Variants in HNRNPR observed in about 807,000 individuals in gnomAD.
HNRNPR encodes heterogeneous nuclear ribonucleoprotein R.
In HNRNPR, 4 loss-of-function variants were observed where a neutral mutation model predicts 70.3. That is an observed-to-expected ratio of 0.06 (90% CI 0.03 to 0.13). HNRNPR has a LOEUF of 0.13. HNRNPR is among the 10% of genes least tolerant of loss of function. The probability of loss-of-function intolerance (pLI) is 1.00; values close to 1 mark genes in which losing one functional copy is unlikely to be tolerated. For synonymous variants in HNRNPR, 241 were observed against 267.6 expected, an observed-to-expected ratio of 0.90 and a Z score of 0.97; for missense variants, 423 against 788.5, an observed-to-expected ratio of 0.54 and a Z score of 5.55.
At chr1:23,338,249 A>T in intron 3 of HNRNPR, 1 of 345,432 alleles carries the variant, frequency 2.9e-6, no homozygotes, top group Non-Finnish European at 5.2e-6. Flanking sequence ...CAACCATCAA[A>T]ACTTGGCTTT....
intron 4 of HNRNPR, among the ~76,000 whole-genome samples, chr1:23,335,081 C>G (rs1646413637): frequency 6.6e-6 from 1 of 152,122 alleles, no homozygotes; most frequent in Non-Finnish European, 1.5e-5. Flanking sequence ...CCACACCCGG[C>G]TAATTTTTTG....
chr1:23,315,348 T>C (rs534854618), intron 8 of HNRNPR, among the ~76,000 whole-genome samples: 2 of 148,432 alleles, frequency 1.3e-5, no homozygotes, highest in Non-Finnish European at 3.0e-5. Flanking sequence ...AGTTGTAGGA[T>C]AGGACAACTT....
chr1:23,340,447 ATCC>A (rs935005058), intron 2 of HNRNPR, among the ~76,000 whole-genome samples: 7 of 152,368 alleles, frequency 4.6e-5, no homozygotes, highest in African/African-American at 1.7e-4. Context: ...CGATACAGCT[ATCC>A]TCTTGTTATG....
chr1:23,321,566 G>A lies in HNRNPR; in HGVS notation c.773C>T (p.Thr258Ile). 1 of 1,612,980 alleles carries A rather than the reference G, an allele frequency of 6.2e-7. No individual in the cohort carries two copies. ...GAATTCTTCCAAAATGTTTTCTTTA[G>A]TCTTATTCTTCGGAATGGATCCAAC... Reference protein sequence around the residue: ...LFVGSIPKNKTKENILEEFSK... With the variant: ...LFVGSIPKNKIKENILEEFSK... The change falls in exon 7 of 11, where the codon ACT becomes ATT. Residue 258 changes from threonine to isoleucine, a missense_variant. Coordinates refer to ENST00000302271, the MANE Select transcript of HNRNPR (RefSeq NM_005826.5).
chr1:23,326,194 G>A lies in HNRNPR; in HGVS notation c.499-2462C>T, dbSNP rs9724721. ...CCGGCCTGTTTTGAACACGCCATCC[G>A]TACGTTTTTTTTTTTACTCACACAG... is the stretch of plus-strand genomic sequence containing the variant. On this transcript the variant is annotated intron_variant, in intron 5 of 10. Coordinates refer to ENST00000302271, the MANE Select transcript of HNRNPR (RefSeq NM_005826.5). 4.2e-3 allele frequency among the ~76,000 whole-genome samples: 624 copies of A among 147,408 alleles called. 6 individuals are homozygous for A. The highest frequency in any genetic ancestry group is 0.014 in the African/African-American group (568 of 39,620).
chr1:23,313,759 T>C (rs1569902405), intron 8 of HNRNPR, 57 bp from the exon 9 acceptor site: 6 of 1,547,556 alleles, frequency 3.9e-6, no homozygotes, highest in Non-Finnish European at 5.2e-6. Flanking sequence ...ACCTGAAAAG[T>C]GTTTCTTCCT....
chr1:23,332,787 T>C (rs953558424), intron 5 of HNRNPR, among the ~76,000 whole-genome samples: 38 of 150,094 alleles, frequency 2.5e-4, no homozygotes, highest in Middle Eastern at 3.6e-3. Flanking sequence ...ATGCCTGTAA[T>C]CCCAGCACTT....
rs111447921 is a variant in HNRNPR, at chr1:23,334,268, G to A, written c.385-637C>T. On this transcript the variant is annotated intron_variant, in intron 4 of 10. Coordinates refer to ENST00000302271, the MANE Select transcript of HNRNPR (RefSeq NM_005826.5). ...TTTTTTTTTTTTGAGACGGAGTCTC[G>A]CTGTGTCACCCAGGCTGGAGTGCAG... Among the ~76,000 whole-genome samples, 1,222 of 127,924 alleles carry A rather than the reference G, an allele frequency of 9.6e-3. 18 individuals are homozygous for A. Among genetic ancestry groups the A allele is most frequent in the African/African-American group, 0.034 (1,167 of 34,122 alleles). The allele number at this position is 127,924 out of a possible 152,430, so 83.9% of individuals were successfully genotyped here. A position where few individuals can be genotyped will look rare whatever the true frequency, so the allele number is the denominator to read the frequency against.
chr1:23,343,903 C>T (rs1183017151), intron 1 of HNRNPR, among the ~76,000 whole-genome samples: 1 of 152,164 alleles, frequency 6.6e-6, no homozygotes, highest in Non-Finnish European at 1.5e-5. Context: ...CGGGATCCGG[C>T]CGCATGGAGC....
rs958755633 is a variant in HNRNPR, at chr1:23,305,134, A to G, written c.*5320T>C. On this transcript the variant is annotated 3_prime_UTR_variant, in exon 11 of 11. Coordinates refer to ENST00000302271, the MANE Select transcript of HNRNPR (RefSeq NM_005826.5). The stretch of plus-strand genomic sequence containing the variant: ...AATGTCTCCTTTGTTGGTTCCACAA[A>G]ATGTATTTTGTTTTTAGTGTTTAAA... 6.6e-6 allele frequency: 1 copy of G among 152,180 alleles called. No homozygotes were observed. The highest frequency in any genetic ancestry group is 1.5e-5 in the Non-Finnish European group (1 of 68,020). 9.4% of individuals were successfully genotyped at this position (152,180 alleles called of 1,614,324 possible).
intron 2 of HNRNPR, among the ~76,000 whole-genome samples, chr1:23,339,449 A>G (rs1476500764): frequency 6.6e-6 from 1 of 152,240 alleles, no homozygotes; most frequent in Non-Finnish European, 1.5e-5. Flanking sequence ...TCAACTGCAC[A>G]CAGAACATCT....
In HNRNPR at chr1:23,306,366, T is replaced by C. The variant is rs1195795476; in HGVS notation, c.*4088A>G. ...GATATGGGCATTCTCCCACACTTAA[T>C]GCCCCACTACTGATAAAAAAAAAAA... On this transcript the variant is annotated 3_prime_UTR_variant, in exon 11 of 11. Transcript: ENST00000302271. 6.6e-6 allele frequency: 1 copy of C among 151,726 alleles called. No individual in the cohort carries two copies. The highest frequency in any genetic ancestry group is 1.5e-5 in the Non-Finnish European group (1 of 67,984). The allele number at this position is 151,726 out of a possible 1,614,324, so 9.4% of individuals were successfully genotyped here. A position where few individuals can be genotyped will look rare whatever the true frequency, so the allele number is the denominator to read the frequency against.
chr1:23,342,971 AAAT>A (rs2148506642), intron 1 of HNRNPR, among the ~76,000 whole-genome samples: 1 of 152,336 alleles, frequency 6.6e-6, no homozygotes, highest in East Asian at 1.9e-4. Context: ...AAAAACCGTA[AAAT>A]AATTAGATTC....
chr1:23,317,286 G>A (rs752662496), intron 8 of HNRNPR, among the ~76,000 whole-genome samples: 6 of 151,848 alleles, frequency 4.0e-5, no homozygotes, highest in South Asian at 4.2e-4. Flanking sequence ...GTGAAACCCC[G>A]TCTCTACTAA....
At chr1:23,315,662 ATTTC>A (rs776808695) in intron 8 of HNRNPR, among the ~76,000 whole-genome samples, 6 of 152,308 alleles carry the variant, frequency 3.9e-5, no homozygotes, top group South Asian at 2.1e-4. Context: ...TAGAAAGGAA[ATTTC>A]TTTGTCTATA....
chr1:23,337,719 G>A, intron 4 of HNRNPR, 35 bp downstream of exon 4: 1 of 1,225,002 alleles, frequency 8.2e-7, no homozygotes, highest in Non-Finnish European at 1.2e-6. Context: ...ATCATTAAAT[G>A]CAATTTCATT....
chr1:23,337,670 G>GA (rs1646553152), intron 4 of HNRNPR, 84 bp downstream of exon 4: 1 of 842,340 alleles, frequency 1.2e-6, no homozygotes, highest in Non-Finnish European at 1.9e-6. Flanking sequence ...AAAAAAAAGT[G>GA]AAACTTTCTA....
At chr1:23,341,615 G>A (rs1557952218) in intron 1 of HNRNPR, among the ~76,000 whole-genome samples, 1 of 151,876 alleles carries the variant, frequency 6.6e-6, no homozygotes, top group Non-Finnish European at 1.5e-5. Context: ...AGATTAATTC[G>A]CTATTCCCAC....
chr1:23,310,860 A>C lies in HNRNPR; in HGVS notation c.1496T>G (p.Val499Gly). 2.5e-6 allele frequency: 4 copies of C among 1,613,734 alleles called. No homozygotes were observed. The highest frequency in any genetic ancestry group is 3.4e-6 in the Non-Finnish European group (4 of 1,179,930). ...TCCCCTTCCTCCTCCTCTTCCTCTT[A>C]CTGCATAGCCATCATCATAGCCGTA... ...PYYGYDDGYA[V>G]RGRGGGRGGR... Residue 499 changes from valine (V) to glycine (G), a missense_variant, in exon 11 of 11, where the codon GTA becomes GGA. Val to Gly is a moderately radical substitution (Grantham distance 109, BLOSUM62 -3). This residue lies in a region of HNRNPR where 169 missense variants were observed against 195.6 expected (regional missense o/e 0.86). Coordinates refer to ENST00000302271, the MANE Select transcript of HNRNPR (RefSeq NM_005826.5). The surrounding 1 kb of genome is among the most constrained non-coding windows in gnomAD (Gnocchi z 6.0).
Sources: allele counts gnomAD v4.1 joint callset (sites outside exome capture counted in the v4.1 genomes callset), GRCh38; gene constraint gnomAD v4.1.1; regional missense constraint gnomAD v4.1.1; non-coding constraint Gnocchi (gnomAD v3.1); transcripts MANE v1.5; gene names NCBI Gene and HGNC (gene_info 2026-07-23, HGNC 2026-07-21).